The following PCDHA13 variants were observed in gnomAD, a reference collection of about 807,000 sequenced individuals.
The protein encoded by PCDHA13 is protocadherin alpha-13.
Under a neutral mutation model 64.8 loss-of-function variants are expected in PCDHA13, and 54 were observed. That is an observed-to-expected ratio of 0.83 (90% CI 0.67 to 1.04). The LOEUF (loss-of-function observed/expected upper bound fraction) is 1.04. Ranked by LOEUF, PCDHA13 falls within the 50% of genes least tolerant of loss-of-function variation. The pLI is 0.00. For missense variants in PCDHA13, 1,248 were observed against 1,254.3 expected, an observed-to-expected ratio of 0.99 and a Z score of 0.08; for synonymous variants, 587 against 564.4, an observed-to-expected ratio of 1.04 and a Z score of -0.57.
intron 1 of PCDHA13, chr5:140,969,351 G>T: frequency 6.2e-7 from 1 of 1,612,990 alleles, no homozygotes; most frequent in Non-Finnish European, 8.5e-7. Flanking sequence ...TGGTCAGGGG[G>T]TCTTCTACAA....
Position 140,974,355 on chromosome 5 carries a change from C to T in PCDHA13, c.2395-4594C>T, listed in dbSNP as rs113314336. Among the ~76,000 whole-genome samples the T allele has an allele frequency of 6.8e-3, 1,038 of 152,272 alleles. 15 individuals are homozygous for T. The highest frequency in any genetic ancestry group is 0.024 in the African/African-American group (1,003 of 41,550). ...AGCAGGCTATGCATCCAGAACTAAA[C>T]AGACCTAGCACTTTCTGTTGTACTG... is the stretch of plus-strand genomic sequence containing the variant. On this transcript the variant is annotated intron_variant, in intron 1 of 3. Transcript: ENST00000289272.
chr5:140,883,793 T>C lies in PCDHA13; in HGVS notation c.1525T>C (p.Ser509Pro), dbSNP rs782783912. The C allele has an allele frequency of 6.2e-7, 1 of 1,612,328 alleles. No homozygotes were observed. The highest frequency in any genetic ancestry group is 1.1e-5 in the South Asian group (1 of 90,990). Residue 509 changes from serine to proline, a missense_variant, in exon 1 of 4, where the codon TCG becomes CCG. Coordinates refer to ENST00000289272, the MANE Select transcript of PCDHA13 (RefSeq NM_018904.3). ...VGERALSSYV[S>P]VHAESGKVYA... ...CGAGCGTGCGCTGTCGAGCTACGTG[T>C]CGGTGCACGCGGAGAGCGGCAAGGT...
intron 1 of PCDHA13, among the ~76,000 whole-genome samples, chr5:140,965,602 A>G (rs1319736678): frequency 6.6e-6 from 1 of 152,126 alleles, no homozygotes; most frequent in African/African-American, 2.4e-5. Context: ...AGACTCTTGA[A>G]GACATTGTCA....
intron 1 of PCDHA13, among the ~76,000 whole-genome samples, chr5:140,892,032 T>C (rs1329804086): frequency 6.6e-6 from 1 of 152,222 alleles, no homozygotes; most frequent in African/African-American, 2.4e-5. Context: ...TCTAAGATAC[T>C]TTTATTTATT....
chr5:140,955,585 T>G (rs1438222402), intron 1 of PCDHA13, among the ~76,000 whole-genome samples: 1 of 152,198 alleles, frequency 6.6e-6, no homozygotes, highest in African/African-American at 2.4e-5. Context: ...CAATTAAACC[T>G]CTTTCTTTTA....
At chr5:140,895,532 A>G (rs546443647) in intron 1 of PCDHA13, among the ~76,000 whole-genome samples, 1 of 152,172 alleles carries the variant, frequency 6.6e-6, no homozygotes, top group East Asian at 1.9e-4. Flanking sequence ...TCGTTTTTCA[A>G]TTGTTGAGTT....
intron 1 of PCDHA13, chr5:140,928,465 G>A: frequency 6.2e-7 from 1 of 1,614,168 alleles, no homozygotes; most frequent in Non-Finnish European, 8.5e-7. Context: ...TCATTTCCAA[G>A]TAGAAGGCCG....
chr5:140,901,539 A>C (rs192107124), intron 1 of PCDHA13, among the ~76,000 whole-genome samples: 1 of 151,952 alleles, frequency 6.6e-6, no homozygotes, highest in African/African-American at 2.4e-5. Context: ...TTGGTTCTCT[A>C]TTCTGTTCCA....
At chr5:140,895,267 T>G (rs2064938299) in intron 1 of PCDHA13, among the ~76,000 whole-genome samples, 1 of 152,162 alleles carries the variant, frequency 6.6e-6, no homozygotes. Flanking sequence ...TTTTTCTTAC[T>G]CAGGGATAAT....
chr5:140,883,986 C>T lies in PCDHA13; in HGVS notation c.1718C>T (p.Ala573Val). ...PALLTPGAGS[A>V]GGTVSELMPR... The stretch of plus-strand genomic sequence containing the variant: ...CTGCTGACGCCCGGGGCTGGCAGCG[C>T]GGGAGGCACAGTGAGCGAGCTGATG... The change falls in exon 1 of 4, where the codon GCG becomes GTG. Residue 573 changes from alanine (A) to valine (V), a missense_variant. Physicochemically the swap from Ala to Val is moderately conservative, Grantham distance 64. Coordinates refer to ENST00000289272, the MANE Select transcript of PCDHA13 (RefSeq NM_018904.3). 6.2e-7 allele frequency: 1 copy of T among 1,612,808 alleles called. No individual in the cohort carries two copies. The highest frequency in any genetic ancestry group is 8.5e-7 in the Non-Finnish European group (1 of 1,179,604).
chr5:140,940,158 C>T (rs1159450232), intron 1 of PCDHA13, among the ~76,000 whole-genome samples: 3 of 151,970 alleles, frequency 2.0e-5, no homozygotes, highest in African/African-American at 7.3e-5. Context: ...TTTTTGTTTG[C>T]CTGAAATGTC....
At chr5:140,976,060 T>G (rs1554237234) in intron 1 of PCDHA13, among the ~76,000 whole-genome samples, 3 of 152,228 alleles carry the variant, frequency 2.0e-5, no homozygotes. Flanking sequence ...GATAGTAATA[T>G]ATGTCTTACT....
At chr5:141,001,896 C>T (rs2098042458) in intron 3 of PCDHA13, among the ~76,000 whole-genome samples, 1 of 152,142 alleles carries the variant, frequency 6.6e-6, no homozygotes, top group Admixed American at 6.5e-5. Flanking sequence ...GAAATCGGGG[C>T]TGTTTGAAAA....
At chr5:140,932,309 ATATAT>A (rs1441363335) in intron 1 of PCDHA13, among the ~76,000 whole-genome samples, 6 of 151,956 alleles carry the variant, frequency 3.9e-5, no homozygotes, top group Non-Finnish European at 8.8e-5. Context: ...AAAGGTATAA[ATATAT>A]TAATGTAGCA....
chr5:140,982,701 T>C, intron 3 of PCDHA13, 138 bp downstream of exon 3: 1 of 1,383,086 alleles, frequency 7.2e-7, no homozygotes, highest in South Asian at 1.6e-5. Flanking sequence ...CATACATGAT[T>C]TCCTTACATA....
chr5:140,901,440 G>C (rs187310877), intron 1 of PCDHA13, among the ~76,000 whole-genome samples: 22 of 152,214 alleles, frequency 1.4e-4, no homozygotes, highest in Admixed American at 5.2e-4. Flanking sequence ...TGGATATCTA[G>C]TTTCCCAGCA....
intron 1 of PCDHA13, among the ~76,000 whole-genome samples, chr5:140,964,195 T>C (rs2095816434): frequency 6.6e-6 from 1 of 152,216 alleles, no homozygotes; most frequent in South Asian, 2.1e-4. Context: ...AAATAGAGTA[T>C]ACCATCTCTT....
At chr5:140,960,436 G>C (rs2095548378) in intron 1 of PCDHA13, among the ~76,000 whole-genome samples, 1 of 152,180 alleles carries the variant, frequency 6.6e-6, no homozygotes. Context: ...TGATACTCTA[G>C]ATATATGTAT....
At position 140,884,345 on chromosome 5, in the gene PCDHA13, C is replaced by A. The variant is rs782318945; in HGVS notation, c.2077C>A (p.Leu693Met). 2 of 1,613,916 alleles carry A rather than the reference C, an allele frequency of 1.2e-6. No homozygotes were observed. The highest frequency in any genetic ancestry group is 2.7e-5 in the African/African-American group (2 of 75,054). The change falls in exon 1 of 4, where the codon CTG becomes ATG. Residue 693 changes from leucine (L) to methionine (M), a missense_variant. Leu to Met is a conservative substitution (Grantham distance 15). Coordinates refer to ENST00000289272, the MANE Select transcript of PCDHA13 (RefSeq NM_018904.3). ...AGGCGCTGTGGGTCCAGAAGCGGCG[C>A]TGGTGGATGTCAATGTTTACTTGAT... The part of the protein sequence containing the change: ...SAGAVGPEAA[L>M]VDVNVYLIIA...
Sources: allele counts gnomAD v4.1 joint callset (sites outside exome capture counted in the v4.1 genomes callset), GRCh38; gene constraint gnomAD v4.1.1; transcripts MANE v1.5; gene names NCBI Gene and HGNC (gene_info 2026-07-23, HGNC 2026-07-21).